The following ORC3 variants were observed in gnomAD, a reference collection of about 807,000 sequenced individuals.
The protein encoded by ORC3 is homolog of latheo, Drosophila.
A neutral mutation model predicts 100.7 loss-of-function variants in ORC3; 78 were observed. The observed-to-expected ratio is 0.77, with a 90% CI of 0.65 to 0.94. The LOEUF (loss-of-function observed/expected upper bound fraction) is 0.94. ORC3 is among the 40% of genes least tolerant of loss of function. The pLI is 0.00. For missense variants in ORC3, 789 were observed against 823.9 expected (o/e 0.96, Z 0.52); for synonymous variants, 295 against 289.3 (o/e 1.02, Z -0.20).
chr6:87,664,662 G>T, intron 17 of ORC3, 81 bp from the exon 18 acceptor site: 1 of 1,075,394 alleles, frequency 9.3e-7, no homozygotes. Context: ...ACTCAGTTTA[G>T]GTTGGGGGCT....
chr6:87,636,478 G>A lies in ORC3; in HGVS notation c.1374G>A (p.Gln458=). The A allele has an allele frequency of 6.2e-7, 1 of 1,608,322 alleles. No individual in the cohort carries two copies. Among genetic ancestry groups the A allele is most frequent in the South Asian group, 1.1e-5 (1 of 90,926 alleles). ...CAGAGGAGTATGCATCAGTCTTGCA[G>A]CTGCTGAGGTAGTTTTGTTTTTTCT... ...WDSEEYASVL[Q]LLRMLAKDEL... The change falls in exon 13 of 20, where the codon CAG becomes CAA. Residue 458 remains glutamine (Q), a synonymous_variant. Transcript: ENST00000392844.
intron 11 of ORC3, among the ~76,000 whole-genome samples, chr6:87,629,692 C>T (rs758138189): frequency 9.2e-5 from 14 of 152,112 alleles, no homozygotes; most frequent in Middle Eastern, 3.2e-3. Flanking sequence ...ATTTCTCTGC[C>T]GTCACCCCTC....
At position 87,626,827 on chromosome 6, in the gene ORC3, A is replaced by AT. The variant is rs543047356; in HGVS notation, c.1185+4820dup. 3.3e-5 allele frequency among the ~76,000 whole-genome samples: 5 copies of AT among 151,586 alleles called. No homozygotes were observed. In the South Asian group the frequency reaches 1.0e-3, roughly 32 times the overall value. On this transcript the variant is annotated intron_variant, in intron 11 of 19. Transcript: ENST00000392844. The stretch of plus-strand genomic sequence containing the variant: ...AAGTAGGATAATAATTCCTAGTATG[A>AT]TTTTTTCATAAGGTTAGTGATAATC...
the ORC3 span, among the ~76,000 whole-genome samples, chr6:87,673,157 T>A: frequency 1.5e-4 from 6 of 41,372 alleles, no homozygotes; most frequent in African/African-American, 1.0e-3. Flanking sequence ...AAAAAAAATT[T>A]TTTTTTTTTT....
At chr6:87,665,677 C>A in intron 18 of ORC3, 77 bp from the exon 19 acceptor site, 1 of 774,260 alleles carries the variant, frequency 1.3e-6, no homozygotes, top group Non-Finnish European at 2.2e-6. Flanking sequence ...CTATCAACAG[C>A]CATTAAAAGA....
chr6:87,623,958 T>G (rs187313744), intron 11 of ORC3, among the ~76,000 whole-genome samples: 10 of 152,298 alleles, frequency 6.6e-5, no homozygotes, highest in Admixed American at 5.9e-4. Context: ...TTTTACATAT[T>G]TTCTTAGCAT....
chr6:87,590,812 G>A (rs192363929), intron 1 of ORC3, among the ~76,000 whole-genome samples: 7 of 152,258 alleles, frequency 4.6e-5, no homozygotes, highest in Non-Finnish European at 7.4e-5. Context: ...GCATATTAGA[G>A]GAATTTAAAA....
intron 11 of ORC3, among the ~76,000 whole-genome samples, chr6:87,625,249 T>A (rs1340480297): frequency 6.6e-6 from 1 of 152,360 alleles, no homozygotes; most frequent in Non-Finnish European, 1.5e-5. Context: ...TTTCTTGTTC[T>A]AGATCCTTGA....
At position 87,667,044 on chromosome 6, in the gene ORC3, A is replaced by C; in HGVS notation, c.2057A>C (p.Glu686Ala). The change falls in exon 20 of 20, where the codon GAA (glutamate) becomes GCA (alanine). Residue 686 changes from glutamate (E) to alanine (A), a missense_variant. By Grantham distance (107) the Glu-to-Ala change is moderately radical. Coordinates refer to ENST00000392844, the MANE Select transcript of ORC3 (RefSeq NM_012381.4). ...IHARFIRAVSELELLGFIKPT... is the reference protein window; with the variant it reads ...IHARFIRAVSALELLGFIKPT... ...GCTCGGTTTATTAGAGCTGTTTCTG[A>C]ACTAGAACTTTTAGGATTTATAAAA... 6.2e-7 allele frequency: 1 copy of C among 1,612,570 alleles called. No homozygotes were observed. The highest frequency in any genetic ancestry group is 8.5e-7 in the Non-Finnish European group (1 of 1,179,212).
At chr6:87,643,677 A>C in intron 13 of ORC3, among the ~76,000 whole-genome samples, 1 of 152,238 alleles carries the variant, frequency 6.6e-6, no homozygotes. Context: ...ATGAACAGAT[A>C]ACTAAGAAAC....
intron 13 of ORC3, chr6:87,651,511 GT>G: frequency 3.5e-6 from 1 of 284,986 alleles, no homozygotes; most frequent in Non-Finnish European, 7.2e-6. Flanking sequence ...AGTATGAAAT[GT>G]CTTGGCTTAT....
chr6:87,607,301 G>A (rs1041658953), intron 5 of ORC3, among the ~76,000 whole-genome samples: 2 of 152,052 alleles, frequency 1.3e-5, no homozygotes, highest in African/African-American at 2.4e-5. Flanking sequence ...ATGGTGGCAC[G>A]CGCCTGTAAT....
At chr6:87,665,867 C>T in intron 19 of ORC3, 34 bp downstream of exon 19, 1 of 1,257,220 alleles carries the variant, frequency 8.0e-7, no homozygotes, top group South Asian at 1.2e-5. Flanking sequence ...CAATGTCCAA[C>T]TACACATAAA....
the ORC3 span, among the ~76,000 whole-genome samples, chr6:87,673,397 T>C: frequency 6.6e-6 from 1 of 151,914 alleles, no homozygotes; most frequent in African/African-American, 2.4e-5. Context: ...ATCACAATTG[T>C]GGGAGGGGGT....
At chr6:87,653,042 T>C in intron 13 of ORC3, 74 bp from the exon 14 acceptor site, 4 of 1,094,864 alleles carry the variant, frequency 3.7e-6, no homozygotes, top group Non-Finnish European at 5.1e-6. Context: ...ATTTAATATG[T>C]ATATTAAATA....
intron 8 of ORC3, among the ~76,000 whole-genome samples, chr6:87,614,456 T>C (rs191704648): frequency 1.3e-5 from 2 of 152,344 alleles, no homozygotes; most frequent in East Asian, 1.9e-4. Context: ...TTTGGCTCTT[T>C]GTTACTTACG....
At chr6:87,677,804 A>C in the ORC3 span, 155 of 1,610,870 alleles carry the variant, frequency 9.6e-5, no homozygotes, top group Admixed American at 2.6e-3. Context: ...AACTCTAATA[A>C]ACACACCTCA....
intron 12 of ORC3, among the ~76,000 whole-genome samples, chr6:87,635,762 A>G (rs1247565980): frequency 6.6e-6 from 1 of 151,924 alleles, no homozygotes; most frequent in Non-Finnish European, 1.5e-5. Flanking sequence ...ACTGCACTCC[A>G]GCCTGGATGA....
chr6:87,608,824 T>G (rs747207839), intron 6 of ORC3, among the ~76,000 whole-genome samples: 23 of 152,178 alleles, frequency 1.5e-4, no homozygotes, highest in Non-Finnish European at 5.9e-5. Flanking sequence ...AATTTCCTCT[T>G]CCATGTTTTT....
Sources: allele counts gnomAD v4.1 joint callset (sites outside exome capture counted in the v4.1 genomes callset), GRCh38; gene constraint gnomAD v4.1.1; transcripts MANE v1.5; gene names NCBI Gene and HGNC (gene_info 2026-07-23, HGNC 2026-07-21).